Variants in DAB2IP observed in about 807,000 individuals in gnomAD.
The protein encoded by DAB2IP is DAB2 interacting protein.
In DAB2IP, 28 loss-of-function variants were observed where a neutral mutation model predicts 107.2. The observed-to-expected ratio is 0.26, with a 90% CI of 0.19 to 0.36. The LOEUF (loss-of-function observed/expected upper bound fraction) is 0.36. Ranked by LOEUF, DAB2IP falls within the 10% of genes least tolerant of loss-of-function variation. DAB2IP has a pLI of 1.00. For synonymous variants in DAB2IP, 755 were observed against 706.4 expected, an observed-to-expected ratio of 1.07 and a Z score of -1.09; for missense variants, 1,400 against 1,644.7, an observed-to-expected ratio of 0.85 and a Z score of 2.57.
rs558564296 is a variant in DAB2IP, at chr9:121,626,559, G to A, written c.41-52119G>A. ...TTGCCTCAGCCTCCCGAGTAGCTGG[G>A]ATTACAGGCATCTGCCACCATGCCC... On this transcript the variant is annotated intron_variant, in intron 1 of 16. Transcript: ENST00000259371. Among the ~76,000 whole-genome samples the A allele has an allele frequency of 3.3e-4, 50 of 151,904 alleles. 1 individual carries two copies. The East Asian group carries it at 8.3e-3, about 25-fold the overall frequency.
chr9:121,567,330 A>G, intron 1 of DAB2IP: 2 of 1,556,592 alleles, frequency 1.3e-6, no homozygotes. Flanking sequence ...GGAGGCAGTC[A>G]GGCATCTGGG....
At position 121,772,790 on chromosome 9, in the gene DAB2IP, C is replaced by T. The variant is rs1031399932; in HGVS notation, c.2262C>T (p.Ala754=). 6.2e-7 allele frequency: 1 copy of T among 1,612,998 alleles called. No homozygotes were observed. Among genetic ancestry groups the T allele is most frequent in the Non-Finnish European group, 8.5e-7 (1 of 1,179,804 alleles). Reference sequence around the variant, plus strand: ...TCTCCATGGTGGACCTCCAGGACGCCCGCACGCTGGATGGGGAGGCAGGCT... The same window carrying T: ...TCTCCATGGTGGACCTCCAGGACGCTCGCACGCTGGATGGGGAGGCAGGCT... Residue 754 remains alanine, a synonymous_variant, in exon 12 of 16, where the codon GCC becomes GCT. Coordinates refer to ENST00000408936, the Ensembl canonical transcript of DAB2IP. This position sits in a 1 kb window ranked among gnomAD's most constrained non-coding sequence, Gnocchi z 4.7.
At chr9:121,763,906 C>G in intron 8 of DAB2IP, 27 bp downstream of exon 8, 1 of 1,609,324 alleles carries the variant, frequency 6.2e-7, no homozygotes, top group Non-Finnish European at 8.5e-7. Context: ...GGTCTCCCCA[C>G]CCTGTCGCCT....
At chr9:121,766,786 A>C in intron 9 of DAB2IP, 56 bp downstream of exon 9, 1 of 1,565,876 alleles carries the variant, frequency 6.4e-7, no homozygotes, top group Non-Finnish European at 8.8e-7. Context: ...TCCACAGGGC[A>C]GGCCCTGGGG....
chr9:121,620,797 C>G (rs1045800635), intron 1 of DAB2IP, among the ~76,000 whole-genome samples: 1 of 152,186 alleles, frequency 6.6e-6, no homozygotes, highest in Admixed American at 6.5e-5. Context: ...CCTACCAGCT[C>G]TCACCTGGGA....
chr9:121,776,513 AAG>A lies in DAB2IP; in HGVS notation c.3314+127_3314+128del, dbSNP rs1350783344. The A allele has an allele frequency of 1.0e-5, 12 of 1,178,916 alleles. No homozygotes were observed. Among genetic ancestry groups the A allele is most frequent in the South Asian group, 1.6e-5 (1 of 61,892 alleles). 73.0% of individuals were successfully genotyped at this position (1,178,916 alleles called of 1,614,324 possible). A position where few individuals can be genotyped will look rare whatever the true frequency, so the allele number is the denominator to read the frequency against. On this transcript the variant is annotated intron_variant, in intron 14 of 15. Coordinates refer to ENST00000408936, the Ensembl canonical transcript of DAB2IP. The surrounding 1 kb of genome is among the most constrained non-coding windows in gnomAD (Gnocchi z 5.4). ...TAAGCTGAATGTGGAGAGAGGAGGG[AAG>A]AGAGTGTCTGGGCAGTGGGAGCAGC...
chr9:121,660,465 C>A (rs916113265), intron 1 of DAB2IP, among the ~76,000 whole-genome samples: 1 of 152,250 alleles, frequency 6.6e-6, no homozygotes, highest in Non-Finnish European at 1.5e-5. Flanking sequence ...GAAGAGGGAG[C>A]AGGGAGGCCA....
chr9:121,655,989 GGT>G (rs1832954363), intron 1 of DAB2IP, among the ~76,000 whole-genome samples: 2 of 151,822 alleles, frequency 1.3e-5, no homozygotes, highest in Admixed American at 1.3e-4. Context: ...ATGGGGGGTG[GGT>G]AACTTCTCAG....
chr9:121,584,621 CAT>C (rs138589299), intron 1 of DAB2IP, among the ~76,000 whole-genome samples: 1,640 of 152,266 alleles, frequency 0.011, 29 homozygotes, highest in African/African-American at 0.037. Flanking sequence ...AAAGTATAAA[CAT>C]ATGACGGAAT....
At chr9:121,681,196 C>T (rs1828584301) in intron 2 of DAB2IP, among the ~76,000 whole-genome samples, 1 of 152,152 alleles carries the variant, frequency 6.6e-6, no homozygotes, top group South Asian at 2.1e-4. Context: ...GACCCCAGGT[C>T]TCTGTGACTC....
intron 1 of DAB2IP, among the ~76,000 whole-genome samples, chr9:121,600,098 G>T (rs986942395): frequency 1.3e-5 from 2 of 152,132 alleles, no homozygotes; most frequent in Admixed American, 1.3e-4. Flanking sequence ...GGGCCCGCGG[G>T]CGGCGGGAGT....
At position 121,616,289 on chromosome 9, in the gene DAB2IP, CT is replaced by C. The variant is rs1831274550; in HGVS notation, c.40+49065del. On this transcript the variant is annotated intron_variant, in intron 1 of 16. Coordinates refer to the DAB2IP transcript ENST00000259371. ...CTGCCTTTCTGGGGGAAAATGCTCT[CT>C]TTTAGAGTCCTCTTTTTTATCTGAA... Among the ~76,000 whole-genome samples the C allele has an allele frequency of 4.6e-5, 7 of 152,272 alleles. No homozygotes were observed. In the South Asian group the frequency reaches 1.5e-3, roughly 32 times the overall value.
intron 3 of DAB2IP, among the ~76,000 whole-genome samples, chr9:121,726,988 G>C (rs1372251673): frequency 2.6e-5 from 4 of 152,228 alleles, no homozygotes; most frequent in Non-Finnish European, 5.9e-5. Flanking sequence ...CTGGGGATGG[G>C]AGGTGGAGAG....
At position 121,699,247 on chromosome 9, in the gene DAB2IP, G is replaced by A. The variant is rs1371597979; in HGVS notation, c.229-78G>A. 35 of 1,145,958 alleles carry A rather than the reference G, an allele frequency of 3.1e-5. No homozygotes were observed. The highest frequency in any genetic ancestry group is 3.4e-5 in the African/African-American group (2 of 59,620). 71.0% of individuals were successfully genotyped at this position (1,145,958 alleles called of 1,614,324 possible). A position where few individuals can be genotyped will look rare whatever the true frequency, so the allele number is the denominator to read the frequency against. The stretch of plus-strand genomic sequence containing the variant: ...CCGCGCGGCCGCCCAGCAAGGGTGC[G>A]GGTCCCGCGCGGGTCCCGGCCCGCC... On this transcript the variant is annotated intron_variant, in intron 2 of 15. Transcript: ENST00000408936. The surrounding 1 kb of genome is among the most constrained non-coding windows in gnomAD (Gnocchi z 6.2).
chr9:121,758,490 G>A (rs564781293), intron 4 of DAB2IP, among the ~76,000 whole-genome samples: 1 of 152,194 alleles, frequency 6.6e-6, no homozygotes, highest in African/African-American at 2.4e-5. Context: ...TGTCTCCTTG[G>A]TTCTTGTGGT....
rs1439011015 is a variant in DAB2IP, at chr9:121,699,496, G to T, written c.362+38G>T. 81 of 1,240,044 alleles carry T rather than the reference G, an allele frequency of 6.5e-5. 1 individual carries two copies. Among genetic ancestry groups the T allele is most frequent in the Non-Finnish European group, 7.2e-5 (71 of 989,264 alleles). 76.8% of individuals were successfully genotyped at this position (1,240,044 alleles called of 1,614,324 possible). On this transcript the variant is annotated intron_variant, in intron 3 of 15. Coordinates refer to ENST00000408936, the Ensembl canonical transcript of DAB2IP. This position sits in a 1 kb window ranked among gnomAD's most constrained non-coding sequence, Gnocchi z 6.2. Reference sequence around the variant, plus strand: ...CCGCCGCCCGGTCCCCCGCGCCGCCGCCCCGGGCTGCGCCCCTGAGGACGC... The same window carrying T: ...CCGCCGCCCGGTCCCCCGCGCCGCCTCCCCGGGCTGCGCCCCTGAGGACGC...
intron 3 of DAB2IP, among the ~76,000 whole-genome samples, chr9:121,725,912 T>A (rs1288398283): frequency 6.6e-6 from 1 of 152,166 alleles, no homozygotes; most frequent in Non-Finnish European, 1.5e-5. Flanking sequence ...ATCAGCGATT[T>A]TAGAAGCAAG....
At chr9:121,707,428 G>T (rs1830113916) in intron 3 of DAB2IP, among the ~76,000 whole-genome samples, 2 of 152,192 alleles carry the variant, frequency 1.3e-5, no homozygotes, top group African/African-American at 4.8e-5. Flanking sequence ...AGCACAATGA[G>T]ATCCCACCTC....
chr9:121,765,525 A>T (rs1488620065), intron 8 of DAB2IP, among the ~76,000 whole-genome samples: 1 of 152,172 alleles, frequency 6.6e-6, no homozygotes, highest in African/African-American at 2.4e-5. Flanking sequence ...AGCCTGTTGT[A>T]GCCTTGGGGT....
Sources: gnomAD v4.1 joint callset for allele counts (sites outside exome capture counted in the v4.1 genomes callset) on GRCh38, gnomAD v4.1.1 for gene constraint, Gnocchi (gnomAD v3.1) non-coding constraint, MANE v1.5 for transcripts, NCBI Gene and HGNC (gene_info 2026-07-23, HGNC 2026-07-21) for gene names.